Variants in ZNF560 observed in about 807,000 individuals in gnomAD.
ZNF560 encodes zinc finger protein 560.
ZNF560 carries 54 observed loss-of-function variants against 81.8 expected under a neutral mutation model. The observed-to-expected ratio is 0.66, with a 90% CI of 0.53 to 0.83. ZNF560 has a LOEUF of 0.83. Ranked by LOEUF, ZNF560 falls within the 40% of genes least tolerant of loss-of-function variation. The pLI, the probability that ZNF560 is intolerant of heterozygous loss-of-function variation, is 0.00. For missense variants in ZNF560, 940 were observed against 932.4 expected (o/e 1.01, Z -0.11); for synonymous variants, 321 against 317.9 (o/e 1.01, Z -0.10).
chr19:9,470,644 G>T, intron 6 of ZNF560, 126 bp from the exon 7 acceptor site: 2 of 1,306,974 alleles, frequency 1.5e-6, no homozygotes, highest in South Asian at 1.3e-5. Flanking sequence ...ACACCCCAAG[G>T]TTCAGTGGCC....
intron 2 of ZNF560, among the ~76,000 whole-genome samples, chr19:9,483,528 G>A (rs1030390565): frequency 2.0e-5 from 3 of 149,020 alleles, no homozygotes; most frequent in Non-Finnish European, 3.0e-5. Context: ...CCGTCCGGGA[G>A]GGGGGTGGGG....
chr19:9,490,815 T>A (rs1343422223), intron 2 of ZNF560, among the ~76,000 whole-genome samples: 1 of 152,166 alleles, frequency 6.6e-6, no homozygotes, highest in Non-Finnish European at 1.5e-5. Flanking sequence ...CAGGGGAGAT[T>A]CAAAGTCTCT....
At chr19:9,454,087 C>A in the ZNF560 span, among the ~76,000 whole-genome samples, 79,514 of 152,036 alleles carry the variant, frequency 0.52, 21,133 homozygotes, top group Non-Finnish European at 0.55. Context: ...TCAAGGCATT[C>A]CTAAACCACA....
the ZNF560 span, among the ~76,000 whole-genome samples, chr19:9,446,865 T>G: frequency 7.5e-4 from 114 of 152,234 alleles, no homozygotes; most frequent in African/African-American, 2.5e-3. Context: ...AGCAGACAGC[T>G]GGATGCCATG....
At chr19:9,488,014 A>G (rs568751901) in intron 2 of ZNF560, among the ~76,000 whole-genome samples, 1 of 152,274 alleles carries the variant, frequency 6.6e-6, no homozygotes, top group African/African-American at 2.4e-5. Context: ...CCTCAATATC[A>G]CAGCACTGGA....
Position 9,490,060 on chromosome 19 carries a change from AGCTTCC to A in ZNF560, c.-57+8062_-57+8067del, listed in dbSNP as rs1195856919. 6.6e-5 allele frequency among the ~76,000 whole-genome samples: 10 copies of A among 152,334 alleles called. No individual in the cohort carries two copies. The East Asian group carries it at 9.6e-4, about 15-fold the overall frequency. ...CTAGTTAACAGAGTTAATATGTAAG[AGCTTCC>A]CTGGCTAATGTAAAGGAGGGAATCC... On this transcript the variant is annotated intron_variant, in intron 2 of 9. Transcript: ENST00000301480.
the ZNF560 span, among the ~76,000 whole-genome samples, chr19:9,451,230 A>G: frequency 6.6e-6 from 1 of 152,240 alleles, no homozygotes; most frequent in Non-Finnish European, 1.5e-5. Context: ...AAACTACACT[A>G]CAAGCCTACA....
chr19:9,465,347 C>T (rs114593230), downstream of ZNF560, among the ~76,000 whole-genome samples: 48 of 152,026 alleles, frequency 3.2e-4, no homozygotes, highest in African/African-American at 1.1e-3. Context: ...GCCTGGATGG[C>T]CTGGATAGTC....
chr19:9,489,794 G>A (rs982333028), intron 2 of ZNF560, among the ~76,000 whole-genome samples: 20 of 152,246 alleles, frequency 1.3e-4, no homozygotes, highest in African/African-American at 4.8e-4. Context: ...GTTTCACTGT[G>A]TTAGCCAGGA....
rs2073065899 is a variant in ZNF560 at position 9,468,298 on chromosome 19, TAC to T, written c.647_648del (p.Cys216Ter). On this transcript the variant is annotated frameshift_variant, in exon 10 of 10. Transcript: ENST00000301480. LOFTEE classifies it high-confidence loss of function. ...TTACAGAAGACATCTTCACATTGCT[TAC>T]AGTCATAGAGTTCCTCTCCATTTTG... ...RNQNGEELYD[C>X]KQCEDVFCKH... 3 of 1,610,372 alleles carry T rather than the reference TAC, an allele frequency of 1.9e-6. No individual in the cohort carries two copies. The highest frequency in any genetic ancestry group is 2.2e-5 in the East Asian group (1 of 44,872).
chr19:9,457,770 G>T, the ZNF560 span, among the ~76,000 whole-genome samples: 3 of 152,160 alleles, frequency 2.0e-5, no homozygotes, highest in Non-Finnish European at 2.9e-5. Flanking sequence ...ATTTACTAGG[G>T]TATATTAATT....
intron 3 of ZNF560, among the ~76,000 whole-genome samples, chr19:9,474,911 G>A (rs1249237571): frequency 1.5e-5 from 2 of 136,520 alleles, no homozygotes; most frequent in African/African-American, 5.5e-5. Flanking sequence ...AAGCGATAAT[G>A]CCACTCACTT....
chr19:9,451,347 T>C, the ZNF560 span, among the ~76,000 whole-genome samples: 7,305 of 152,044 alleles, frequency 0.048, 607 homozygotes, highest in African/African-American at 0.17. Flanking sequence ...ATCTACAAAG[T>C]AGACAATAAC....
intron 2 of ZNF560, among the ~76,000 whole-genome samples, chr19:9,477,875 C>G (rs981559954): frequency 6.6e-6 from 1 of 151,634 alleles, no homozygotes; most frequent in East Asian, 1.9e-4. Flanking sequence ...GGAGAAAAAA[C>G]AAAAATGAAG....
chr19:9,478,584 C>T (rs2073238204), intron 2 of ZNF560, among the ~76,000 whole-genome samples: 1 of 151,794 alleles, frequency 6.6e-6, no homozygotes, highest in Non-Finnish European at 1.5e-5. Context: ...ACAGTAAGAG[C>T]TAAAATAATT....
At chr19:9,463,174 G>A (rs2072960912), downstream of ZNF560, among the ~76,000 whole-genome samples, 1 of 152,118 alleles carries the variant, frequency 6.6e-6, no homozygotes, top group Non-Finnish European at 1.5e-5. Flanking sequence ...AAACTAGGAT[G>A]TTAAAGAATG....
rs1023981148 is a variant in ZNF560 at position 9,493,899 on chromosome 19, G to A, written c.-57+4229C>T. On this transcript the variant is annotated intron_variant, in intron 2 of 9. Coordinates refer to ENST00000301480, the MANE Select transcript of ZNF560 (RefSeq NM_152476.3). The stretch of plus-strand genomic sequence containing the variant: ...TGTAATCCCAGCACTTTGGAAGGCC[G>A]AGGTGGGCACATCACCTGAGGTCAG... Among the ~76,000 whole-genome samples, 16 of 151,570 alleles carry A rather than the reference G, an allele frequency of 1.1e-4. 1 individual carries two copies. The highest frequency in any genetic ancestry group is 3.9e-4 in the East Asian group (2 of 5,080).
chr19:9,506,034 C>A, the ZNF560 span, among the ~76,000 whole-genome samples: 1 of 151,754 alleles, frequency 6.6e-6, no homozygotes, highest in Non-Finnish European at 1.5e-5. Context: ...GCTCTGTTGC[C>A]CAGGCTGGAG....
upstream of ZNF560, among the ~76,000 whole-genome samples, chr19:9,501,135 C>A (rs1189119510): frequency 6.8e-6 from 1 of 146,126 alleles, no homozygotes; most frequent in East Asian, 2.0e-4. Context: ...GAAAGATAGT[C>A]TCTAATTTCT....
Sources: gnomAD v4.1 joint callset for allele counts (sites outside exome capture counted in the v4.1 genomes callset) on GRCh38, gnomAD v4.1.1 for gene constraint, MANE v1.5 for transcripts, NCBI Gene and HGNC (gene_info 2026-07-23, HGNC 2026-07-21) for gene names.